Variants in DGKI observed in about 807,000 individuals in gnomAD.
DGKI encodes diacylglycerol kinase iota.
A neutral mutation model predicts 147.5 loss-of-function variants in DGKI; 55 were observed. The ratio of observed to expected loss-of-function variants is 0.37; its 90% CI spans 0.30 to 0.47. The LOEUF is 0.47. Ranked by LOEUF, DGKI falls within the 20% of genes least tolerant of loss-of-function variation. The probability of loss-of-function intolerance (pLI) is 1.00; values close to 1 mark genes in which losing one functional copy is unlikely to be tolerated. For missense variants in DGKI, 1,007 were observed against 1,323.8 expected (o/e 0.76, Z 3.71); for synonymous variants, 469 against 477.1 (o/e 0.98, Z 0.22).
At chr7:137,659,472 G>A (rs1463556712) in intron 3 of DGKI, among the ~76,000 whole-genome samples, 1 of 152,138 alleles carries the variant, frequency 6.6e-6, no homozygotes, top group Non-Finnish European at 1.5e-5. Context: ...GCTTAGTTAG[G>A]TTGCAATTTT....
At chr7:137,845,783 G>C (rs961208099) in intron 1 of DGKI, among the ~76,000 whole-genome samples, 7 of 152,106 alleles carry the variant, frequency 4.6e-5, no homozygotes, top group Non-Finnish European at 8.8e-5. Flanking sequence ...TTCACCCCTA[G>C]CTTGCCAGCG....
chr7:137,488,957 G>C (rs1380342441), intron 21 of DGKI, among the ~76,000 whole-genome samples: 1 of 152,144 alleles, frequency 6.6e-6, no homozygotes, highest in Non-Finnish European at 1.5e-5. Flanking sequence ...TGAAGAACAT[G>C]AAGCCTCACT....
chr7:137,485,689 T>C lies in DGKI; in HGVS notation c.2329-271A>G, dbSNP rs1485454430. Among the ~76,000 whole-genome samples the C allele has an allele frequency of 2.6e-5, 4 of 152,104 alleles. 1 individual carries two copies. The highest frequency in any genetic ancestry group is 9.7e-5 in the African/African-American group (4 of 41,430). ...TAAGTGTTATATTATTATTTCAATC[T>C]CCTATAGAGGAGACCAGAAGTAAAA... is the stretch of plus-strand genomic sequence containing the variant. On this transcript the variant is annotated intron_variant, in intron 22 of 32. Transcript: ENST00000614521.
At chr7:137,643,604 C>G (rs555079149) in intron 6 of DGKI, among the ~76,000 whole-genome samples, 1 of 152,138 alleles carries the variant, frequency 6.6e-6, no homozygotes, top group African/African-American at 2.4e-5. Flanking sequence ...ATGTGACAAG[C>G]TGGATCACTG....
intron 23 of DGKI, among the ~76,000 whole-genome samples, chr7:137,481,452 G>A (rs1481500787): frequency 1.3e-5 from 2 of 152,124 alleles, no homozygotes; most frequent in Non-Finnish European, 2.9e-5. Flanking sequence ...AAATCTGCAA[G>A]TGCAATGCAT....
rs1458012270 is a variant in DGKI, at chr7:137,487,658, T to A, written c.2280A>T (p.Gly760=). 1 of 1,613,712 alleles carries A rather than the reference T, an allele frequency of 6.2e-7. No homozygotes were observed. The highest frequency in any genetic ancestry group is 1.1e-5 in the South Asian group (1 of 91,052). ...TACGGCAAGTCTCCAAATCACAGTC[T>A]CCACGCACAACTAGAATACCCAGAG... ...SIPLGILVVR[G]DCDLETCRMY... is the part of the protein sequence containing the mutation. Residue 760 remains glycine (G), a synonymous_variant, in exon 22 of 33, where the codon GGA becomes GGT. Coordinates refer to ENST00000614521, the MANE Select transcript of DGKI (RefSeq NM_001321708.2).
chr7:137,460,620 T>C (rs1238246800), intron 27 of DGKI, among the ~76,000 whole-genome samples: 1 of 152,152 alleles, frequency 6.6e-6, no homozygotes, highest in East Asian at 1.9e-4. Flanking sequence ...GCATCCCAAA[T>C]CCAAATATCT....
In DGKI at chr7:137,618,151, A is replaced by ATATATATAT; in HGVS notation, c.993+1672_993+1673insATATATATA. On this transcript the variant is annotated intron_variant, in intron 8 of 32. Transcript: ENST00000614521. Reference sequence around the variant, plus strand: ...ACTATATATATATATATATATATATATTTTTTTTTTTTTACTCTATCATTC... The same window carrying ATATATATAT: ...ACTATATATATATATATATATATATATATATATATTTTTTTTTTTTTTACTCTATCATTC... 7.6e-4 allele frequency among the ~76,000 whole-genome samples: 8 copies of ATATATATAT among 10,466 alleles called. 2 individuals carry two copies. Among genetic ancestry groups the ATATATATAT allele is most frequent in the Non-Finnish European group, 1.2e-3 (2 of 1,648 alleles). 6.9% of individuals were successfully genotyped at this position (10,466 alleles called of 152,430 possible).
At chr7:137,819,448 A>T (rs560521768) in intron 1 of DGKI, among the ~76,000 whole-genome samples, 76 of 152,006 alleles carry the variant, frequency 5.0e-4, no homozygotes, top group Middle Eastern at 6.8e-3. Flanking sequence ...GTAGCTGGGA[A>T]TACAGGCGCC....
intron 2 of DGKI, among the ~76,000 whole-genome samples, chr7:137,689,467 G>A (rs1445453151): frequency 1.3e-5 from 2 of 152,150 alleles, no homozygotes; most frequent in Non-Finnish European, 2.9e-5. Flanking sequence ...GGAAGGAAAA[G>A]CAATAGAATG....
At chr7:137,636,487 G>A (rs1305534468) in intron 6 of DGKI, among the ~76,000 whole-genome samples, 1 of 152,204 alleles carries the variant, frequency 6.6e-6, no homozygotes, top group Non-Finnish European at 1.5e-5. Context: ...GGAATGGACA[G>A]TATTGAATAC....
At chr7:137,674,604 G>A (rs1439490171) in intron 3 of DGKI, among the ~76,000 whole-genome samples, 9 of 152,042 alleles carry the variant, frequency 5.9e-5, no homozygotes, top group African/African-American at 2.2e-4. Flanking sequence ...TCCAAGTTTT[G>A]TTTCAAAAAA....
chr7:137,558,343 G>A (rs188052000), intron 19 of DGKI, among the ~76,000 whole-genome samples: 3 of 152,236 alleles, frequency 2.0e-5, no homozygotes, highest in African/African-American at 4.8e-5. Context: ...GCAGTGGCAC[G>A]ATCTCGGCTG....
intron 3 of DGKI, among the ~76,000 whole-genome samples, chr7:137,661,927 T>C (rs1822449358): frequency 6.6e-6 from 1 of 152,214 alleles, no homozygotes. Flanking sequence ...TCTGGCAACA[T>C]ACACAACAAG....
At chr7:137,521,057 T>C (rs1816942794) in intron 21 of DGKI, among the ~76,000 whole-genome samples, 1 of 152,010 alleles carries the variant, frequency 6.6e-6, no homozygotes, top group African/African-American at 2.4e-5. Context: ...CTTATCTTCT[T>C]TGACTTTATT....
At position 137,711,213 on chromosome 7, in the gene DGKI, G is replaced by T. The variant is rs530857944; in HGVS notation, c.402-21211C>A. Reference sequence around the variant, plus strand: ...CAGCTTGCTGTTCTATAGGAATATTGAAGGTGCACATAAACACAGGAATTA... The same window carrying T: ...CAGCTTGCTGTTCTATAGGAATATTTAAGGTGCACATAAACACAGGAATTA... On this transcript the variant is annotated intron_variant, in intron 1 of 32. Coordinates refer to ENST00000614521, the MANE Select transcript of DGKI (RefSeq NM_001321708.2). Among the ~76,000 whole-genome samples the T allele has an allele frequency of 1.9e-3, 294 of 152,206 alleles. 2 individuals carry two copies. Among genetic ancestry groups the T allele is most frequent in the African/African-American group, 6.7e-3 (277 of 41,524 alleles).
At chr7:137,497,445 T>A (rs542128227) in intron 21 of DGKI, among the ~76,000 whole-genome samples, 1 of 152,122 alleles carries the variant, frequency 6.6e-6, no homozygotes, top group African/African-American at 2.4e-5. Flanking sequence ...ATTGGGTATA[T>A]ACCTAAAGGA....
intron 28 of DGKI, among the ~76,000 whole-genome samples, chr7:137,438,882 C>A (rs1001537839): frequency 1.3e-5 from 2 of 151,726 alleles, no homozygotes; most frequent in African/African-American, 4.9e-5. Flanking sequence ...AAACTATGTA[C>A]ACACACACAT....
chr7:137,605,186 T>C (rs1820132894), intron 10 of DGKI, among the ~76,000 whole-genome samples: 1 of 151,958 alleles, frequency 6.6e-6, no homozygotes, highest in Admixed American at 6.6e-5. Context: ...CACATGCCTG[T>C]AATCCCAGCT....
Sources: gnomAD v4.1 joint callset for allele counts (sites outside exome capture counted in the v4.1 genomes callset) on GRCh38, gnomAD v4.1.1 for gene constraint, MANE v1.5 for transcripts, NCBI Gene and HGNC (gene_info 2026-07-23, HGNC 2026-07-21) for gene names.